The following EXOC4 variants were observed in gnomAD, a reference collection of about 807,000 sequenced individuals.
EXOC4 encodes the protein SEC8-like 1.
A neutral mutation model predicts 107.2 loss-of-function variants in EXOC4; 71 were observed. The ratio of observed to expected loss-of-function variants is 0.66; its 90% CI spans 0.55 to 0.81. The LOEUF (loss-of-function observed/expected upper bound fraction) is 0.81. Among genes scored for constraint, EXOC4 ranks in the 30% least tolerant of loss-of-function variants. The pLI is 0.00. For synonymous variants in EXOC4, 456 were observed against 441.2 expected (o/e 1.03, Z -0.42); for missense variants, 1,108 against 1,189.6 (o/e 0.93, Z 1.01).
chr7:133,370,492 A>C (rs1796350419), intron 6 of EXOC4, among the ~76,000 whole-genome samples: 1 of 152,142 alleles, frequency 6.6e-6, no homozygotes, highest in Non-Finnish European at 1.5e-5. Flanking sequence ...CAAAGGAAGC[A>C]ATCAGATACA....
chr7:133,256,231 T>C lies in EXOC4; in HGVS notation c.86+3044T>C, dbSNP rs530725373. Among the ~76,000 whole-genome samples the C allele has an allele frequency of 2.0e-5, 3 of 152,370 alleles. No individual in the cohort carries two copies. The South Asian group carries it at 6.2e-4, about 32-fold the overall frequency. ...CTCCTGACCTTGTGATCCACCCGCC[T>C]TGGCCTCCCAAAGTGCTGGGATTAC... On this transcript the variant is annotated intron_variant, in intron 1 of 17. Transcript: ENST00000253861.
intron 11 of EXOC4, among the ~76,000 whole-genome samples, chr7:133,830,049 T>G (rs1797777455): frequency 6.6e-6 from 1 of 152,190 alleles, no homozygotes; most frequent in African/African-American, 2.4e-5. Context: ...GAGTCCAGAA[T>G]ACCCTGAGTA....
At chr7:133,405,266 AG>A (rs937988208) in intron 7 of EXOC4, among the ~76,000 whole-genome samples, 6 of 152,140 alleles carry the variant, frequency 3.9e-5, no homozygotes, top group Non-Finnish European at 8.8e-5. Context: ...ATTTTATATT[AG>A]TATGTAGGCA....
chr7:133,412,727 C>G (rs1270852319), intron 7 of EXOC4, among the ~76,000 whole-genome samples: 21 of 151,868 alleles, frequency 1.4e-4, no homozygotes, highest in Admixed American at 1.4e-3. Context: ...CATCAAGCAT[C>G]AGAAAAAAGT....
At chr7:133,857,589 G>A (rs1198503500) in intron 11 of EXOC4, among the ~76,000 whole-genome samples, 4 of 150,756 alleles carry the variant, frequency 2.7e-5, no homozygotes, top group South Asian at 4.2e-4. Flanking sequence ...ATGGAGCAGC[G>A]AGGGGTGTGT....
At chr7:133,855,118 T>TATCTAA (rs1798338504) in intron 11 of EXOC4, among the ~76,000 whole-genome samples, 7 of 94,878 alleles carry the variant, frequency 7.4e-5, no homozygotes, top group Non-Finnish European at 1.4e-4. Context: ...TATATAAATA[T>TATCTAA]ATATATATAA....
At chr7:133,315,410 A>T (rs1284590035) in intron 4 of EXOC4, 1 of 152,220 alleles carries the variant, frequency 6.6e-6, no homozygotes, top group Non-Finnish European at 1.5e-5. Context: ...TATGCACACC[A>T]TTAGGGTGGC....
chr7:133,635,191 A>T (rs979624734), intron 10 of EXOC4, among the ~76,000 whole-genome samples: 6 of 152,212 alleles, frequency 3.9e-5, no homozygotes, highest in Non-Finnish European at 8.8e-5. Context: ...CATATAAAGG[A>T]ACCTTTGGCA....
intron 9 of EXOC4, among the ~76,000 whole-genome samples, chr7:133,592,350 G>C (rs899735398): frequency 5.9e-5 from 9 of 152,270 alleles, no homozygotes; most frequent in Middle Eastern, 3.4e-3. Context: ...ATTTCCATTT[G>C]GCTACTTTAG....
intron 11 of EXOC4, among the ~76,000 whole-genome samples, chr7:133,824,382 T>C (rs1397855645): frequency 6.6e-6 from 1 of 152,038 alleles, no homozygotes; most frequent in Admixed American, 6.6e-5. Context: ...CAGCTTGCTG[T>C]TTACGCACCT....
chr7:133,419,361 A>G (rs1414812158), intron 7 of EXOC4, among the ~76,000 whole-genome samples: 1 of 152,170 alleles, frequency 6.6e-6, no homozygotes. Flanking sequence ...GCAGTGAAGG[A>G]AGACGTTTGA....
intron 9 of EXOC4, among the ~76,000 whole-genome samples, chr7:133,533,425 C>G (rs1800216661): frequency 6.6e-6 from 1 of 152,100 alleles, no homozygotes; most frequent in African/African-American, 2.4e-5. Flanking sequence ...TCAAGTGACT[C>G]ATCGGTACAG....
intron 12 of EXOC4, among the ~76,000 whole-genome samples, chr7:133,914,204 A>G (rs1385415723): frequency 6.6e-6 from 1 of 152,140 alleles, no homozygotes; most frequent in African/African-American, 2.4e-5. Context: ...TCTGGATAAA[A>G]AAATTATAAC....
At chr7:133,335,652 C>T (rs887555260) in intron 5 of EXOC4, among the ~76,000 whole-genome samples, 2 of 152,040 alleles carry the variant, frequency 1.3e-5, no homozygotes, top group African/African-American at 2.4e-5. Context: ...ATGAGTGTGC[C>T]GATATTTCCT....
intron 9 of EXOC4, chr7:133,576,481 G>T (rs763444529): frequency 2.3e-6 from 3 of 1,280,022 alleles, no homozygotes; most frequent in African/African-American, 1.5e-5. Context: ...GGCATCTGTC[G>T]GTTGCATTTG....
intron 10 of EXOC4, among the ~76,000 whole-genome samples, chr7:133,781,333 A>G (rs1361396688): frequency 6.6e-6 from 1 of 152,232 alleles, no homozygotes; most frequent in Admixed American, 6.5e-5. Flanking sequence ...GAGTCACCAT[A>G]AAAAATAAAT....
At chr7:133,359,164 T>G (rs1044256260) in intron 6 of EXOC4, among the ~76,000 whole-genome samples, 1 of 152,206 alleles carries the variant, frequency 6.6e-6, no homozygotes, top group Non-Finnish European at 1.5e-5. Context: ...GATTAAATTT[T>G]GGGGCTGGGA....
At chr7:133,497,621 G>A (rs1799502967) in intron 9 of EXOC4, among the ~76,000 whole-genome samples, 4 of 152,018 alleles carry the variant, frequency 2.6e-5, no homozygotes, top group Non-Finnish European at 5.9e-5. Flanking sequence ...AGTAGAGATG[G>A]TGTTTCACCA....
intron 10 of EXOC4, among the ~76,000 whole-genome samples, chr7:133,757,841 C>T (rs572384049): frequency 6.6e-6 from 1 of 152,106 alleles, no homozygotes; most frequent in Non-Finnish European, 1.5e-5. Flanking sequence ...CTATTATTAT[C>T]CCTCATTTTT....
Sources: gnomAD v4.1 joint callset for allele counts (sites outside exome capture counted in the v4.1 genomes callset) on GRCh38, gnomAD v4.1.1 for gene constraint, MANE v1.5 for transcripts, NCBI Gene and HGNC (gene_info 2026-07-23, HGNC 2026-07-21) for gene names.